The following CHN2 variants were observed in gnomAD, a reference collection of about 807,000 sequenced individuals.
The protein encoded by CHN2 is beta-chimaerin.
A neutral mutation model predicts 56.3 loss-of-function variants in CHN2; 35 were observed. That is an observed-to-expected ratio of 0.62 (90% CI 0.47 to 0.82). The LOEUF (loss-of-function observed/expected upper bound fraction) is 0.82, where lower values mean the gene tolerates loss of function less well. Ranked by LOEUF, CHN2 falls within the 40% of genes least tolerant of loss-of-function variation. CHN2 has a pLI of 0.00. For missense variants in CHN2, 491 were observed against 580.5 expected (o/e 0.85, Z 1.58); for synonymous variants, 210 against 212.8 (o/e 0.99, Z 0.12).
chr7:29,210,534 C>G (rs751109853), intron 1 of CHN2, among the ~76,000 whole-genome samples: 1 of 152,034 alleles, frequency 6.6e-6, no homozygotes. Flanking sequence ...GACAAAAATT[C>G]TGGACCTTGT....
intron 6 of CHN2, among the ~76,000 whole-genome samples, chr7:29,412,618 C>T (rs1160370107): frequency 6.6e-6 from 1 of 152,062 alleles, no homozygotes; most frequent in African/African-American, 2.4e-5. Flanking sequence ...CGTGAGCCAC[C>T]GCGCCAGGAC....
At chr7:29,507,902 G>C (rs1033319950) in intron 11 of CHN2, among the ~76,000 whole-genome samples, 2 of 152,148 alleles carry the variant, frequency 1.3e-5, no homozygotes, top group Non-Finnish European at 2.9e-5. Context: ...GGCATGTGCG[G>C]CCCATAGGCT....
intron 1 of CHN2, among the ~76,000 whole-genome samples, chr7:29,234,115 G>A (rs1205424020): frequency 6.6e-6 from 1 of 151,290 alleles, no homozygotes; most frequent in Non-Finnish European, 1.5e-5. Flanking sequence ...TTACAGGCGT[G>A]AGCCACCGCG....
intron 6 of CHN2, among the ~76,000 whole-genome samples, chr7:29,402,602 A>C (rs1450380123): frequency 6.6e-6 from 1 of 152,228 alleles, no homozygotes; most frequent in Non-Finnish European, 1.5e-5. Context: ...AGCAGTGTTT[A>C]TATTTCTGAA....
At chr7:29,406,960 AAC>A (rs1413803971) in intron 6 of CHN2, among the ~76,000 whole-genome samples, 1 of 152,160 alleles carries the variant, frequency 6.6e-6, no homozygotes, top group African/African-American at 2.4e-5. Context: ...TTTAAAATGT[AAC>A]ACATTGCCCC....
chr7:29,340,400 G>A (rs552081907), intron 1 of CHN2, among the ~76,000 whole-genome samples: 1 of 86,714 alleles, frequency 1.2e-5, no homozygotes, highest in African/African-American at 3.5e-5. Context: ...GGGGTTGCTT[G>A]GGGGGGGGCC....
intron 1 of CHN2, among the ~76,000 whole-genome samples, chr7:29,322,078 G>A (rs1260810964): frequency 2.0e-5 from 3 of 152,138 alleles, no homozygotes; most frequent in Admixed American, 2.0e-4. Context: ...CCATCCCAGA[G>A]AATTATCAAC....
intron 1 of CHN2, among the ~76,000 whole-genome samples, chr7:29,204,067 CTGTG>C (rs55930139): frequency 0.11 from 13,767 of 128,514 alleles, 695 homozygotes; most frequent in Non-Finnish European, 0.11. Flanking sequence ...TTCTCTCTCT[CTGTG>C]TGTGTGTGTG....
chr7:29,487,682 C>T (rs1210970054), intron 7 of CHN2, among the ~76,000 whole-genome samples: 1 of 151,864 alleles, frequency 6.6e-6, no homozygotes, highest in Non-Finnish European at 1.5e-5. Context: ...CCTTCTAACT[C>T]CCTCCCTCTT....
chr7:29,411,739 C>G (rs1803234709), intron 6 of CHN2, among the ~76,000 whole-genome samples: 1 of 152,112 alleles, frequency 6.6e-6, no homozygotes, highest in South Asian at 2.1e-4. Flanking sequence ...CCCGATAGAG[C>G]CTGAGAATGG....
At chr7:29,250,676 A>T (rs1291012800) in intron 1 of CHN2, among the ~76,000 whole-genome samples, 2 of 152,004 alleles carry the variant, frequency 1.3e-5, no homozygotes, top group Non-Finnish European at 2.9e-5. Context: ...CACACCTAGT[A>T]AGAAGACTCT....
intron 2 of CHN2, chr7:29,147,032 C>T: frequency 6.5e-7 from 1 of 1,542,672 alleles, no homozygotes; most frequent in Admixed American, 2.0e-5. Flanking sequence ...CTCAGAGCCA[C>T]CTGATGTGTT....
intron 1 of CHN2, among the ~76,000 whole-genome samples, chr7:29,310,769 T>C (rs1340399150): frequency 6.6e-6 from 1 of 152,136 alleles, no homozygotes; most frequent in African/African-American, 2.4e-5. Context: ...GGAAGGTGGT[T>C]CTCCAGAGTC....
chr7:29,356,667 G>A (rs1798337189), intron 2 of CHN2, among the ~76,000 whole-genome samples: 1 of 152,178 alleles, frequency 6.6e-6, no homozygotes, highest in African/African-American at 2.4e-5. Context: ...GAGGCACCTT[G>A]TTCTTCGTTA....
intron 6 of CHN2, among the ~76,000 whole-genome samples, chr7:29,412,556 C>T (rs1233415547): frequency 6.6e-6 from 1 of 152,086 alleles, no homozygotes. Flanking sequence ...GTCTCAATCT[C>T]TTGACCTCGT....
chr7:29,422,474 A>T (rs895426628), intron 6 of CHN2, among the ~76,000 whole-genome samples: 1 of 152,224 alleles, frequency 6.6e-6, no homozygotes, highest in Non-Finnish European at 1.5e-5. Flanking sequence ...CATTTTCCAG[A>T]TCTAATAGAC....
At position 29,443,409 on chromosome 7, in the gene CHN2, A is replaced by T. The variant is rs1783812369; in HGVS notation, c.577-36870A>T. 2.0e-5 allele frequency among the ~76,000 whole-genome samples: 3 copies of T among 152,188 alleles called. No homozygotes were observed. In the South Asian group the frequency reaches 6.2e-4, roughly 31 times the overall value. ...CTGCCATCTAGGTTTGTGTAAGTAC[A>T]CTAGGTTTGTGTCAGTACATCTGAT... On this transcript the variant is annotated intron_variant, in intron 6 of 12. Coordinates refer to ENST00000222792, the MANE Select transcript of CHN2 (RefSeq NM_004067.4).
At chr7:29,253,591 G>A (rs993700536) in intron 1 of CHN2, among the ~76,000 whole-genome samples, 1 of 152,194 alleles carries the variant, frequency 6.6e-6, no homozygotes, top group African/African-American at 2.4e-5. Context: ...TCTGGAATAG[G>A]TGGGAGATTG....
chr7:29,278,004 C>T (rs908795420), intron 1 of CHN2, among the ~76,000 whole-genome samples: 4 of 152,034 alleles, frequency 2.6e-5, no homozygotes, highest in East Asian at 1.9e-4. Context: ...AGTCATATAG[C>T]GAGTATGTGG....
Sources: allele counts gnomAD v4.1 joint callset (sites outside exome capture counted in the v4.1 genomes callset), GRCh38; gene constraint gnomAD v4.1.1; transcripts MANE v1.5; gene names NCBI Gene and HGNC (gene_info 2026-07-23, HGNC 2026-07-21).